Variants in ELF4 observed in about 807,000 individuals in gnomAD.
ELF4 encodes ETS-related transcription factor Elf-4.
A neutral mutation model predicts 31.7 loss-of-function variants in ELF4; 10 were observed. The ratio of observed to expected loss-of-function variants is 0.32; its 90% confidence interval spans 0.19 to 0.54. ELF4 has a LOEUF of 0.54. Ranked by LOEUF, ELF4 falls within the 20% of genes least tolerant of loss-of-function variation. The pLI, the probability that ELF4 is intolerant of heterozygous loss-of-function variation, is 0.95. For synonymous variants in ELF4, 208 were observed against 226.7 expected, an observed-to-expected ratio of 0.92 and a Z score of 0.74; for missense variants, 418 against 522.0, an observed-to-expected ratio of 0.80 and a Z score of 1.94.
chrX:130,091,397 A>G (rs1259148449), intron 1 of ELF4, among the ~76,000 whole-genome samples: 2 of 112,123 alleles, frequency 1.8e-5, no homozygotes, highest in African/African-American at 6.5e-5. Context: ...ACTGCACTCC[A>G]GCCTGGGCAA....
In ELF4 at chrX:130,072,274, C is replaced by A. The variant is rs1482436756; in HGVS notation, c.484G>T (p.Ala162Ser). ...DQEGHSLEEKASREESAKKTG... is the reference protein window; with the variant it reads ...DQEGHSLEEKSSREESAKKTG... ...TTCTTGGCACTTTCCTCTCTGGAGG[C>A]CTTCTCCTCCAGAGAATGCCCCTCC... The change falls in exon 5 of 9, where the codon GCC (alanine) becomes TCC (serine). Residue 162 changes from alanine to serine, a missense_variant. By Grantham distance (99) the Ala-to-Ser change is moderately conservative (BLOSUM62 1). Transcript: ENST00000308167. 1 of 1,212,241 alleles carries A rather than the reference C, an allele frequency of 8.2e-7. No individual in the cohort carries two copies. The highest frequency in any genetic ancestry group is 2.2e-5 in the Admixed American group (1 of 46,118).
chrX:130,102,884 G>GAGAAAGAA lies in ELF4; in HGVS notation c.-210+7433_-210+7440dup, dbSNP rs1174320321. On this transcript the variant is annotated intron_variant, in intron 1 of 8. Coordinates refer to ENST00000308167, the MANE Select transcript of ELF4 (RefSeq NM_001421.4). ...AGAGAGAGAGAGAGAGAGAGAGAGA[G>GAGAAAGAA]AGAAAGAAAGAAAGAAAGAAAGAAA... is the stretch of plus-strand genomic sequence containing the variant. Among the ~76,000 whole-genome samples the GAGAAAGAA allele has an allele frequency of 1.5e-3, 67 of 43,736 alleles. 1 individual carries two copies. Among genetic ancestry groups the GAGAAAGAA allele is most frequent in the Middle Eastern group, 0.022 (2 of 89 alleles). 38.0% of individuals were successfully genotyped at this position (43,736 alleles called of 115,157 possible). A position where few individuals can be genotyped will look rare whatever the true frequency, so the allele number is the denominator to read the frequency against.
In ELF4 at chrX:130,066,785, G is replaced by A. The variant is rs890166986; in HGVS notation, c.1928C>T (p.Thr643Ile). ...TSGSLLTRSPTPAPFSPFNPT... is the reference protein window; with the variant it reads ...TSGSLLTRSPIPAPFSPFNPT... ...GTTGAATGGGGAGAAAGGGGCTGGG[G>A]TGGGGGATCTTGTCAGAAGGCTCCC... The change falls in exon 9 of 9, where the codon ACC becomes ATC. Residue 643 changes from threonine to isoleucine, a missense_variant. Transcript: ENST00000308167. The A allele has an allele frequency of 1.7e-6, 2 of 1,209,347 alleles. No homozygotes were observed. The highest frequency in any genetic ancestry group is 5.9e-5 in the East Asian group (2 of 33,855).
chrX:130,072,384 G>A lies in ELF4; in HGVS notation c.374C>T (p.Pro125Leu). 17 of 1,212,262 alleles carry A rather than the reference G, an allele frequency of 1.4e-5. No individual in the cohort carries two copies. The highest frequency in any genetic ancestry group is 1.9e-5 in the Non-Finnish European group (17 of 895,599). Reference sequence around the variant, plus strand: ...GTTGGGCAGAGTGACAGCTGGTGCAGGGTCCGAGTCTGGAAGCATTTCGGA... The same window carrying A: ...GTTGGGCAGAGTGACAGCTGGTGCAAGGTCCGAGTCTGGAAGCATTTCGGA... ...STSEMLPDSD[P>L]APAVTLPNYL... The change falls in exon 5 of 9, where the codon CCT (proline) becomes CTT (leucine). Residue 125 changes from proline (P) to leucine (L), a missense_variant. Around this residue, in one of 4 missense-constraint regions of ELF4, gnomAD observed 88 missense variants for 92.4 expected, o/e 0.95. Coordinates refer to ENST00000308167, the MANE Select transcript of ELF4 (RefSeq NM_001421.4).
intron 2 of ELF4, among the ~76,000 whole-genome samples, chrX:130,079,053 A>T (rs553681927): frequency 9.0e-6 from 1 of 111,498 alleles, no homozygotes; most frequent in South Asian, 3.8e-4. Flanking sequence ...GGAACTAAAA[A>T]GGTATAAAAA....
chrX:130,097,710 C>T (rs1210574129), intron 1 of ELF4, among the ~76,000 whole-genome samples: 3 of 112,674 alleles, frequency 2.7e-5, no homozygotes, highest in Admixed American at 9.3e-5. Flanking sequence ...GTAGAGCAAC[C>T]CATAATAGAG....
In ELF4 at chrX:130,065,693, G is replaced by A. The variant is rs1268860334; in HGVS notation, c.*1028C>T. On this transcript the variant is annotated 3_prime_UTR_variant, in exon 9 of 9. Coordinates refer to ENST00000308167, the MANE Select transcript of ELF4 (RefSeq NM_001421.4). ...AGTAATCAAGAGGGAGCCCAGGATC[G>A]GGGAAGTAGGCTGGGGTGTCAGCAA... The A allele has an allele frequency of 5.7e-5, 10 of 174,685 alleles. No individual in the cohort carries two copies. The highest frequency in any genetic ancestry group is 2.3e-4 in the African/African-American group (8 of 34,096). The allele number at this position is 174,685 out of a possible 1,213,427, so 14.4% of individuals were successfully genotyped here.
chrX:130,076,333 C>T (rs1442988896), intron 2 of ELF4, among the ~76,000 whole-genome samples: 1 of 110,557 alleles, frequency 9.0e-6, no homozygotes, highest in Non-Finnish European at 1.9e-5. Context: ...ACACACCAGC[C>T]TGGGCAACAC....
At chrX:130,098,372 G>C (rs1569409454) in intron 1 of ELF4, among the ~76,000 whole-genome samples, 1 of 112,081 alleles carries the variant, frequency 8.9e-6, no homozygotes, top group African/African-American at 3.2e-5. Flanking sequence ...TAGCCACCCA[G>C]AGATGACGGT....
rs2124637266 is a variant in ELF4 at position 130,110,418 on chromosome X, C to A, written c.-303G>T. The A allele has an allele frequency of 9.0e-6, 1 of 111,274 alleles. No individual in the cohort carries two copies. Among genetic ancestry groups the A allele is most frequent in the East Asian group, 2.9e-4 (1 of 3,436 alleles). The allele number at this position is 111,274 out of a possible 1,213,427, so 9.2% of individuals were successfully genotyped here. A position where few individuals can be genotyped will look rare whatever the true frequency, so the allele number is the denominator to read the frequency against. ...CGGGGGCCGAGACGCGGGTCCCCAG[C>A]CCCGCCAGCCCGTCCTCTCCCCTCG... On this transcript the variant is annotated 5_prime_UTR_variant, in exon 1 of 9. Coordinates refer to ENST00000308167, the MANE Select transcript of ELF4 (RefSeq NM_001421.4).
Position 130,069,372 on chromosome X carries a change from T to C in ELF4, c.1115A>G (p.Glu372Gly). 8.3e-7 allele frequency: 1 copy of C among 1,212,066 alleles called. No homozygotes were observed. The change falls in exon 8 of 9, where the codon GAG becomes GGG. Residue 372 changes from glutamate (E) to glycine (G), a missense_variant. By Grantham distance (98) the Glu-to-Gly change is moderately conservative. Coordinates refer to ENST00000308167, the MANE Select transcript of ELF4 (RefSeq NM_001421.4). ...CATGGTGGAGGTAGTGGGGATCTCC[T>C]CGTCTAGCGACGGTCCCAATTCCAG... is the stretch of plus-strand genomic sequence containing the variant. ...ASLELGPSLDEEIPTTSTMLV... is the reference protein window; with the variant it reads ...ASLELGPSLDGEIPTTSTMLV...
chrX:130,074,452 A>C, intron 3 of ELF4, 129 bp downstream of exon 3: 1 of 917,641 alleles, frequency 1.1e-6, no homozygotes, highest in South Asian at 2.1e-5. Flanking sequence ...TCTGTGAAGC[A>C]GCACAACTTT....
upstream of ELF4, among the ~76,000 whole-genome samples, chrX:130,111,632 T>A (rs947769954): frequency 1.8e-4 from 20 of 110,953 alleles, no homozygotes; most frequent in Admixed American, 1.9e-4. Flanking sequence ...TGGCAAGATA[T>A]GAGTCAGGGG....
At chrX:130,111,343 C>T (rs1314874662), upstream of ELF4, among the ~76,000 whole-genome samples, 1 of 112,790 alleles carries the variant, frequency 8.9e-6, no homozygotes, top group Non-Finnish European at 1.9e-5. Context: ...GGGAAGGTTT[C>T]GTCCAGCCCC....
rs1182153181 is a variant in ELF4 at position 130,109,775 on chromosome X, G to A, written c.-210+550C>T. Among the ~76,000 whole-genome samples the A allele has an allele frequency of 2.7e-5, 3 of 113,201 alleles. No individual in the cohort carries two copies. In the Admixed American group the frequency reaches 2.8e-4, roughly 10 times the overall value. On this transcript the variant is annotated intron_variant, in intron 1 of 8. Transcript: ENST00000308167. ...GCGGCCCAGGAGGGAACCCGGAGGC[G>A]GGAGAGTCGGGGAGAGCGGGAACGC...
At chrX:130,083,719 C>G (rs972728164) in intron 1 of ELF4, among the ~76,000 whole-genome samples, 1 of 111,650 alleles carries the variant, frequency 9.0e-6, no homozygotes, top group Non-Finnish European at 1.9e-5. Flanking sequence ...ATTGATGAAA[C>G]CTTAGCACCT....
intron 1 of ELF4, among the ~76,000 whole-genome samples, chrX:130,102,940 GAGGAAGGAAGGA>G (rs1233263404): frequency 1.1e-5 from 1 of 94,747 alleles, no homozygotes; most frequent in Non-Finnish European, 2.1e-5. Context: ...AGGAGGGAGG[GAGGAAGGAAGGA>G]AGGGAGGGAG....
chrX:130,073,192 G>A (rs1020530528), intron 4 of ELF4, among the ~76,000 whole-genome samples: 5 of 111,981 alleles, frequency 4.5e-5, no homozygotes, highest in East Asian at 2.8e-4. Context: ...GGGTTCAAGC[G>A]ATTCTCCTGC....
At chrX:130,079,113 G>A (rs992867613) in intron 2 of ELF4, among the ~76,000 whole-genome samples, 17 of 110,761 alleles carry the variant, frequency 1.5e-4, no homozygotes, top group African/African-American at 5.3e-4. Context: ...TTTCTTTTAG[G>A]GTTGGGACAC....
Sources: allele counts gnomAD v4.1 joint callset (sites outside exome capture counted in the v4.1 genomes callset), GRCh38; gene constraint gnomAD v4.1.1; regional missense constraint gnomAD v4.1.1; transcripts MANE v1.5; gene names NCBI Gene and HGNC (gene_info 2026-07-23, HGNC 2026-07-21).